CELSR3: variants seen among roughly 807,000 people sequenced by gnomAD.
The protein encoded by CELSR3 is EGF-like protein 1.
Under a neutral mutation model 270.0 loss-of-function variants are expected in CELSR3, and 73 were observed. The observed-to-expected ratio is 0.27, with a 90% CI of 0.22 to 0.33. CELSR3 has a LOEUF of 0.33. Ranked by LOEUF, CELSR3 falls within the 10% of genes least tolerant of loss-of-function variation. The pLI is 1.00. For synonymous variants in CELSR3, 1,780 were observed against 1,905.4 expected, an observed-to-expected ratio of 0.93 and a Z score of 1.71; for missense variants, 3,614 against 4,533.8, an observed-to-expected ratio of 0.80 and a Z score of 5.83.
rs2077070340 is a variant in CELSR3 at position 48,662,013 on chromosome 3, A to G, written c.622T>C (p.Leu208=). ...RVGTARCCGE[L]WATGSKGQGE... ...TGACCCTTGCTCCCTGTTGCCCATA[A>G]TTCCCCACAGCAGCGCGCGGTGCCC... is the stretch of plus-strand genomic sequence containing the variant. The change falls in exon 1 of 35, where the codon TTA becomes CTA. Residue 208 remains leucine, a synonymous_variant. Coordinates refer to ENST00000164024, the MANE Select transcript of CELSR3 (RefSeq NM_001407.3). The surrounding 1 kb of genome is among the most constrained non-coding windows in gnomAD (Gnocchi z 7.1). 1 of 1,613,754 alleles carries G rather than the reference A, an allele frequency of 6.2e-7. No homozygotes were observed. The highest frequency in any genetic ancestry group is 1.3e-5 in the African/African-American group (1 of 74,876).
Position 48,661,663 on chromosome 3 carries a change from C to T in CELSR3, c.972G>A (p.Gln324=). Residue 324 remains glutamine (Q), a synonymous_variant, in exon 1 of 35, where the codon CAG becomes CAA. Transcript: ENST00000164024. ...GCGTCTGGTAGTTGTACTGCGGAAA[C>T]TGCGGGTGGCGGTTTGCGGCGCGAC... ...RFRRAANRHP[Q]FPQYNYQTLV... 1 of 1,586,930 alleles carries T rather than the reference C, an allele frequency of 6.3e-7. No homozygotes were observed. The highest frequency in any genetic ancestry group is 8.6e-7 in the Non-Finnish European group (1 of 1,166,518).
rs149033561 is a variant in CELSR3 at position 48,660,755 on chromosome 3, C to T, written c.1880G>A (p.Arg627Gln). The T allele has an allele frequency of 1.0e-4, 168 of 1,613,972 alleles. No homozygotes were observed. Among genetic ancestry groups the T allele is most frequent in the Middle Eastern group, 1.6e-4 (1 of 6,084 alleles). The change falls in exon 1 of 35, where the codon CGG (arginine) becomes CAG (glutamine). Residue 627 changes from arginine to glutamine, a missense_variant. Coordinates refer to ENST00000164024, the MANE Select transcript of CELSR3 (RefSeq NM_001407.3). The surrounding 1 kb of genome is among the most constrained non-coding windows in gnomAD (Gnocchi z 5.5). ...ALRIRAQDAG[R>Q]PPLSNNTGLA... ...GCCCGTGTTGTTGGACAGCGGTGGC[C>T]GGCCAGCATCCTGCGCCCTGATGCG... is the stretch of plus-strand genomic sequence containing the variant.
rs754913301 is a variant in CELSR3, at chr3:48,646,293, A to T, written c.7296-36T>A. Reference sequence around the variant, plus strand: ...ACCCATCTGGGCTTACGCACTGCTGACCTCCCCATGCTCAGCCTGCTTGCC... The same window carrying T: ...ACCCATCTGGGCTTACGCACTGCTGTCCTCCCCATGCTCAGCCTGCTTGCC... On this transcript the variant is annotated intron_variant, in intron 21 of 34. Transcript: ENST00000164024. The surrounding 1 kb of genome is among the most constrained non-coding windows in gnomAD (Gnocchi z 4.8). 4 of 1,581,942 alleles carry T rather than the reference A, an allele frequency of 2.5e-6. No individual in the cohort carries two copies. The African/African-American group carries it at 4.0e-5, about 16-fold the overall frequency.
rs753585166 is a variant in CELSR3, at chr3:48,657,283, C to T, written c.3814G>A (p.Ala1272Thr). 3 of 1,611,206 alleles carry T rather than the reference C, an allele frequency of 1.9e-6. No individual in the cohort carries two copies. In the South Asian group the frequency reaches 3.3e-5, roughly 18 times the overall value. The change falls in exon 2 of 35, where the codon GCC (alanine) becomes ACC (threonine). Residue 1272 changes from alanine (A) to threonine (T), a missense_variant. This residue lies in a region of CELSR3 where 1,331 missense variants were observed against 1,933.7 expected (regional missense o/e 0.69). Coordinates refer to ENST00000164024, the MANE Select transcript of CELSR3 (RefSeq NM_001407.3). The surrounding 1 kb of genome is among the most constrained non-coding windows in gnomAD (Gnocchi z 5.4). ...RVVIITEELLANSLTVRLENM... is the reference protein window; with the variant it reads ...RVVIITEELLTNSLTVRLENM... ...TCAAGGCGCACGGTCAGGCTGTTGG[C>T]CAGCAACTCCTCCGTGATGATGACC...
At position 48,652,586 on chromosome 3, in the gene CELSR3, G is replaced by T; in HGVS notation, c.5635-33C>A. The T allele has an allele frequency of 6.6e-7, 1 of 1,521,630 alleles. No homozygotes were observed. The highest frequency in any genetic ancestry group is 1.2e-5 in the South Asian group (1 of 84,126). 94.3% of individuals were successfully genotyped at this position (1,521,630 alleles called of 1,614,324 possible). A position where few individuals can be genotyped will look rare whatever the true frequency, so the allele number is the denominator to read the frequency against. ...AAGTGGGGCAGTCAGCACTGAGGGA[G>T]AGGGGCCTGATGAACCCCTGTCATA... On this transcript the variant is annotated intron_variant, in intron 10 of 34. Transcript: ENST00000164024. The surrounding 1 kb of genome is among the most constrained non-coding windows in gnomAD (Gnocchi z 4.3).
chr3:48,661,755 G>C lies in CELSR3; in HGVS notation c.880C>G (p.Arg294Gly), dbSNP rs2077067823. The change falls in exon 1 of 35, where the codon CGT becomes GGT. Residue 294 changes from arginine (R) to glycine (G), a missense_variant. Arg to Gly is a moderately radical substitution (Grantham distance 125). This residue lies in a region of CELSR3 where 470 missense variants were observed against 469.7 expected (regional missense o/e 1.00). Coordinates refer to ENST00000164024, the MANE Select transcript of CELSR3 (RefSeq NM_001407.3). Reference sequence around the variant, plus strand: ...GGACGGGCCGGGAGTCCCGGGGGACGCGGCCCGGGGCGCTGCGGGAGGAAG... The same window carrying C: ...GGACGGGCCGGGAGTCCCGGGGGACCCGGCCCGGGGCGCTGCGGGAGGAAG... ...CRFLPQRPGP[R>G]PPGLPARPEA... The C allele has an allele frequency of 1.4e-5, 22 of 1,584,944 alleles. No homozygotes were observed. Among genetic ancestry groups the C allele is most frequent in the Non-Finnish European group, 1.9e-5 (22 of 1,167,962 alleles).
chr3:48,653,801 G>C lies in CELSR3; in HGVS notation c.5279-13C>G. Reference sequence around the variant, plus strand: ...GGATGGGCCATAGCTGAGTGGATAAGAGAAACAGGGTTACAGCCCCTGCCC... The same window carrying C: ...GGATGGGCCATAGCTGAGTGGATAACAGAAACAGGGTTACAGCCCCTGCCC... On this transcript the variant is annotated splice_polypyrimidine_tract_variant and intron_variant, in intron 8 of 34. Coordinates refer to ENST00000164024, the MANE Select transcript of CELSR3 (RefSeq NM_001407.3). This position sits in a 1 kb window ranked among gnomAD's most constrained non-coding sequence, Gnocchi z 6.5. 2 of 1,613,598 alleles carry C rather than the reference G, an allele frequency of 1.2e-6. No individual in the cohort carries two copies. The highest frequency in any genetic ancestry group is 1.7e-6 in the Non-Finnish European group (2 of 1,179,588).
intron 16 of CELSR3, among the ~76,000 whole-genome samples, chr3:48,649,805 C>T (rs1417178947): frequency 6.6e-6 from 1 of 152,154 alleles, no homozygotes; most frequent in African/African-American, 2.4e-5. Context: ...AACTTAATCA[C>T]AGAATCCCCT....
In CELSR3 at chr3:48,661,777, G is replaced by A. The variant is rs1249399135; in HGVS notation, c.858C>T (p.Phe286=). 2 of 1,601,804 alleles carry A rather than the reference G, an allele frequency of 1.2e-6. No individual in the cohort carries two copies. The highest frequency in any genetic ancestry group is 1.7e-5 in the Admixed American group (1 of 58,466). Residue 286 remains phenylalanine (F), a synonymous_variant, in exon 1 of 35, where the codon TTC becomes TTT. Transcript: ENST00000164024. The part of the protein sequence containing the change: ...MRSRGLFRCR[F]LPQRPGPRPP... Reference sequence around the variant, plus strand: ...GACGCGGCCCGGGGCGCTGCGGGAGGAAGCGGCAGCGGAAGAGACCCCGGG... The same window carrying A: ...GACGCGGCCCGGGGCGCTGCGGGAGAAAGCGGCAGCGGAAGAGACCCCGGG...
rs918573238 is a variant in CELSR3 at position 48,655,465 on chromosome 3, A to C, written c.4742-71T>G. 1 of 1,507,970 alleles carries C rather than the reference A, an allele frequency of 6.6e-7. No homozygotes were observed. Among genetic ancestry groups the C allele is most frequent in the Non-Finnish European group, 9.2e-7 (1 of 1,087,226 alleles). The allele number at this position is 1,507,970 out of a possible 1,614,324, so 93.4% of individuals were successfully genotyped here. A position where few individuals can be genotyped will look rare whatever the true frequency, so the allele number is the denominator to read the frequency against. On this transcript the variant is annotated intron_variant, in intron 4 of 34. Coordinates refer to ENST00000164024, the MANE Select transcript of CELSR3 (RefSeq NM_001407.3). The surrounding 1 kb of genome is among the most constrained non-coding windows in gnomAD (Gnocchi z 5.8). ...CCCATCCCACCCGTCATATAAGCACAACCATTCCCAGGGCCACCCTGGATG... is the reference window on the plus strand; with the variant it reads ...CCCATCCCACCCGTCATATAAGCACCACCATTCCCAGGGCCACCCTGGATG...
Position 48,650,949 on chromosome 3 carries a change from G to T in CELSR3, c.6313C>A (p.Arg2105Ser), listed in dbSNP as rs538520019. The change falls in exon 15 of 35, where the codon CGC (arginine) becomes AGC (serine). Residue 2105 changes from arginine to serine, a missense_variant. Physicochemically the swap from Arg to Ser is moderately radical, Grantham distance 110. Transcript: ENST00000164024. This position sits in a 1 kb window ranked among gnomAD's most constrained non-coding sequence, Gnocchi z 5.1. ...GGACTGTCACAGCTGTTGCACTGGCGGCCAAGGGCTCCTGGGCGACAGGGG... is the reference window on the plus strand; with the variant it reads ...GGACTGTCACAGCTGTTGCACTGGCTGCCAAGGGCTCCTGGGCGACAGGGG... ...QCPCRPGALG[R>S]QCNSCDSPFA... 91 of 1,611,750 alleles carry T rather than the reference G, an allele frequency of 5.6e-5. No homozygotes were observed. In the South Asian group the frequency reaches 9.4e-4, roughly 17 times the overall value.
In CELSR3 at chr3:48,654,272, G is replaced by A. The variant is rs1306959266; in HGVS notation, c.5152+17C>T. The A allele has an allele frequency of 2.5e-6, 4 of 1,613,366 alleles. No individual in the cohort carries two copies. Among genetic ancestry groups the A allele is most frequent in the East Asian group, 2.2e-5 (1 of 44,904 alleles). On this transcript the variant is annotated intron_variant, in intron 7 of 34. Transcript: ENST00000164024. This position sits in a 1 kb window ranked among gnomAD's most constrained non-coding sequence, Gnocchi z 5.4. ...GGACAGGGCCATGGGCTAGGCTGGT[G>A]GAAGCTTCAGGCCTACCTGCCATGG...
chr3:48,642,388 G>A lies in CELSR3; in HGVS notation c.8635C>T (p.Leu2879=). ...SLQAHAGPTD[L]DVAMFHRDAG... ...TCTCGATGGAACATGGCCACGTCCAGGTCAGTGGGGCCAGCATGAGCCTGG... is the reference window on the plus strand; with the variant it reads ...TCTCGATGGAACATGGCCACGTCCAAGTCAGTGGGGCCAGCATGAGCCTGG... Residue 2879 remains leucine (L), a synonymous_variant, in exon 31 of 35, where the codon CTG becomes TTG. Transcript: ENST00000164024. The surrounding 1 kb of genome is among the most constrained non-coding windows in gnomAD (Gnocchi z 6.1). The A allele has an allele frequency of 6.2e-7, 1 of 1,613,290 alleles. No homozygotes were observed.
Position 48,660,398 on chromosome 3 carries a change from A to G in CELSR3, c.2237T>C (p.Val746Ala). 6.2e-7 allele frequency: 1 copy of G among 1,614,080 alleles called. No homozygotes were observed. Among genetic ancestry groups the G allele is most frequent in the Non-Finnish European group, 8.5e-7 (1 of 1,180,020 alleles). The change falls in exon 1 of 35, where the codon GTG becomes GCG. Residue 746 changes from valine (V) to alanine (A), a missense_variant. Val to Ala is a moderately conservative substitution (Grantham distance 64). Coordinates refer to ENST00000164024, the MANE Select transcript of CELSR3 (RefSeq NM_001407.3). This position sits in a 1 kb window ranked among gnomAD's most constrained non-coding sequence, Gnocchi z 5.5. ...LSASASVTVT[V>A]LDVNDNRPEF... The stretch of plus-strand genomic sequence containing the variant: ...AGGCCGATTGTCATTAACGTCCAGC[A>G]CAGTCACGGTGACACTGGCTGAGGC...
In CELSR3 at chr3:48,650,917, T is replaced by C; in HGVS notation, c.6345A>G (p.Ala2115=). The C allele has an allele frequency of 6.2e-7, 1 of 1,610,980 alleles. No individual in the cohort carries two copies. Among genetic ancestry groups the C allele is most frequent in the East Asian group, 2.2e-5 (1 of 44,852 alleles). Residue 2115 remains alanine, a synonymous_variant, in exon 15 of 35, where the codon GCA becomes GCG. Coordinates refer to ENST00000164024, the MANE Select transcript of CELSR3 (RefSeq NM_001407.3). The surrounding 1 kb of genome is among the most constrained non-coding windows in gnomAD (Gnocchi z 5.1). ...CCCGGCAGCCGCTGGCTGTCACCTC[T>C]GCGAAGGGACTGTCACAGCTGTTGC... ...RQCNSCDSPF[A]EVTASGCRVL...
At position 48,653,666 on chromosome 3, in the gene CELSR3, C is replaced by A; in HGVS notation, c.5401G>T (p.Val1801Phe). 1.2e-6 allele frequency: 2 copies of A among 1,614,148 alleles called. No homozygotes were observed. Among genetic ancestry groups the A allele is most frequent in the Non-Finnish European group, 1.7e-6 (2 of 1,180,018 alleles). The change falls in exon 9 of 35, where the codon GTC becomes TTC. Residue 1801 changes from valine (V) to phenylalanine (F), a missense_variant. This residue lies in a region of CELSR3 where 1,331 missense variants were observed against 1,933.7 expected (regional missense o/e 0.69). Transcript: ENST00000164024. The surrounding 1 kb of genome is among the most constrained non-coding windows in gnomAD (Gnocchi z 6.5). Reference protein sequence around the residue: ...LAFRTRATQGVLMQVQAGPHS... With the variant: ...LAFRTRATQGFLMQVQAGPHS... ...GGCCCAGCCTGCACTTGCATCAGGA[C>A]CCCCTGCGTTGCCCGTGTCCGAAAT...
In CELSR3 at chr3:48,639,785, G is replaced by A. The variant is rs748354915; in HGVS notation, c.9800C>T (p.Pro3267Leu). 2 of 1,613,874 alleles carry A rather than the reference G, an allele frequency of 1.2e-6. No homozygotes were observed. The highest frequency in any genetic ancestry group is 1.7e-6 in the Non-Finnish European group (2 of 1,179,992). Residue 3267 changes from proline to leucine, a missense_variant, in exon 34 of 35, where the codon CCC becomes CTC. Transcript: ENST00000164024. This position sits in a 1 kb window ranked among gnomAD's most constrained non-coding sequence, Gnocchi z 4.1. The part of the protein sequence containing the change: ...ALSSVQSSST[P>L]LGPHTTATPS... Reference sequence around the variant, plus strand: ...TGTGGCAGTGGTGTGAGGGCCCAAGGGTGTGCTTGAAGATTGCACAGAGGA... The same window carrying A: ...TGTGGCAGTGGTGTGAGGGCCCAAGAGTGTGCTTGAAGATTGCACAGAGGA...
Position 48,637,254 on chromosome 3 carries a change from A to T in CELSR3, c.*951T>A, listed in dbSNP as rs2046979413. 6.6e-6 allele frequency: 1 copy of T among 152,556 alleles called. No individual in the cohort carries two copies. Among genetic ancestry groups the T allele is most frequent in the Non-Finnish European group, 1.5e-5 (1 of 68,020 alleles). 9.5% of individuals were successfully genotyped at this position (152,556 alleles called of 1,614,324 possible). A position where few individuals can be genotyped will look rare whatever the true frequency, so the allele number is the denominator to read the frequency against. On this transcript the variant is annotated 3_prime_UTR_variant, in exon 35 of 35. Coordinates refer to ENST00000164024, the MANE Select transcript of CELSR3 (RefSeq NM_001407.3). ...GCCCAGGTGCCTAGGGCCACGGAGGATCCTGTAAACATAGGAGGCAGTGGC... is the reference window on the plus strand; with the variant it reads ...GCCCAGGTGCCTAGGGCCACGGAGGTTCCTGTAAACATAGGAGGCAGTGGC...
At position 48,640,359 on chromosome 3, in the gene CELSR3, G is replaced by A. The variant is rs758195787; in HGVS notation, c.9226C>T (p.Leu3076Phe). Residue 3076 changes from leucine (L) to phenylalanine (F), a missense_variant, in exon 34 of 35, where the codon CTC (leucine) becomes TTC (phenylalanine). Physicochemically the swap from Leu to Phe is conservative, Grantham distance 22 (BLOSUM62 0). This residue lies in a region of CELSR3 where 1,240 missense variants were observed against 1,351.7 expected (regional missense o/e 0.92). Coordinates refer to ENST00000164024, the MANE Select transcript of CELSR3 (RefSeq NM_001407.3). This position sits in a 1 kb window ranked among gnomAD's most constrained non-coding sequence, Gnocchi z 7.5. ...CGCTCACGGCTCAGTTGCCGCCGGAGGAGCAGGTCCAGCTGTTCTCTAGAA... is the reference window on the plus strand; with the variant it reads ...CGCTCACGGCTCAGTTGCCGCCGGAAGAGCAGGTCCAGCTGTTCTCTAGAA... ...YSSREQLDLLLRRQLSRERLE... is the reference protein window; with the variant it reads ...YSSREQLDLLFRRQLSRERLE... 2 of 1,612,668 alleles carry A rather than the reference G, an allele frequency of 1.2e-6. No individual in the cohort carries two copies. The highest frequency in any genetic ancestry group is 1.1e-5 in the South Asian group (1 of 91,068).
Sources: gnomAD v4.1 joint callset for allele counts (sites outside exome capture counted in the v4.1 genomes callset) on GRCh38, gnomAD v4.1.1 for gene constraint, gnomAD v4.1.1 regional missense constraint, Gnocchi (gnomAD v3.1) non-coding constraint, MANE v1.5 for transcripts, NCBI Gene and HGNC (gene_info 2026-07-23, HGNC 2026-07-21) for gene names.